NCKAP5: variants seen among roughly 807,000 people sequenced by gnomAD.
NCKAP5 encodes NCK associated protein 5, also known as nck-associated protein 5.
Under a neutral mutation model 167.0 loss-of-function variants are expected in NCKAP5, and 92 were observed. That is an observed-to-expected ratio of 0.55 (90% CI 0.47 to 0.66). The LOEUF (loss-of-function observed/expected upper bound fraction) is 0.66, where lower values mean the gene tolerates loss of function less well. Among genes scored for constraint, NCKAP5 ranks in the 30% least tolerant of loss-of-function variants. The pLI is 0.00. For synonymous variants in NCKAP5, 891 were observed against 877.4 expected (o/e 1.02, Z -0.27); for missense variants, 2,378 against 2,315.0 (o/e 1.03, Z -0.56).
rs113572156 is a variant in NCKAP5 at position 133,369,331 on chromosome 2, A to G, written c.70-66221T>C. Among the ~76,000 whole-genome samples the G allele has an allele frequency of 5.1e-3, 782 of 152,360 alleles. 6 individuals are homozygous for G. The highest frequency in any genetic ancestry group is 0.017 in the Middle Eastern group (5 of 294). ...AATTCACAAGGAATCAGGATCAGACATGGAAGCAGAAGGCTGAGTCACAAA... is the reference window on the plus strand; with the variant it reads ...AATTCACAAGGAATCAGGATCAGACGTGGAAGCAGAAGGCTGAGTCACAAA... On this transcript the variant is annotated intron_variant, in intron 3 of 19. Transcript: ENST00000409261.
the NCKAP5 span, among the ~76,000 whole-genome samples, chr2:133,637,167 G>A: frequency 6.6e-6 from 1 of 151,090 alleles, no homozygotes; most frequent in Admixed American, 6.6e-5. Context: ...CTACTTTCCC[G>A]CACTTCTCCT....
chr2:133,073,847 A>G (rs2080505785), intron 6 of NCKAP5, among the ~76,000 whole-genome samples: 1 of 152,164 alleles, frequency 6.6e-6, no homozygotes, highest in Non-Finnish European at 1.5e-5. Flanking sequence ...TTGCTCCAAA[A>G]ATGTAATTCA....
At chr2:133,606,115 C>G in the NCKAP5 span, among the ~76,000 whole-genome samples, 1 of 148,864 alleles carries the variant, frequency 6.7e-6, no homozygotes, top group Non-Finnish European at 1.5e-5. Flanking sequence ...CAAAACTAAC[C>G]AGAATCAGAT....
chr2:133,637,553 G>A, the NCKAP5 span, among the ~76,000 whole-genome samples: 1 of 127,712 alleles, frequency 7.8e-6, no homozygotes, highest in Non-Finnish European at 1.6e-5. Flanking sequence ...TGGACTAATG[G>A]AAATTAAAAT....
At chr2:132,878,286 C>G (rs952046352) in intron 9 of NCKAP5, among the ~76,000 whole-genome samples, 2 of 152,164 alleles carry the variant, frequency 1.3e-5, no homozygotes, top group Non-Finnish European at 2.9e-5. Flanking sequence ...TGCGTATAGC[C>G]CTGTCTTCTT....
At chr2:133,481,601 T>G (rs1432691314) in intron 3 of NCKAP5, among the ~76,000 whole-genome samples, 1 of 152,168 alleles carries the variant, frequency 6.6e-6, no homozygotes, top group Non-Finnish European at 1.5e-5. Context: ...CACCCTCCGA[T>G]AGGCCCCAGT....
chr2:133,511,194 T>C (rs1180693916), intron 3 of NCKAP5, among the ~76,000 whole-genome samples: 1 of 152,202 alleles, frequency 6.6e-6, no homozygotes, highest in Non-Finnish European at 1.5e-5. Context: ...CCAGCACCAG[T>C]GTTGCTGCAG....
intron 2 of NCKAP5, among the ~76,000 whole-genome samples, chr2:133,530,761 G>A (rs1184790140): frequency 6.6e-6 from 1 of 152,156 alleles, no homozygotes; most frequent in African/African-American, 2.4e-5. Flanking sequence ...GGCTTTAAGA[G>A]GTCTTGAAGC....
At chr2:133,600,620 G>A in the NCKAP5 span, among the ~76,000 whole-genome samples, 1 of 152,200 alleles carries the variant, frequency 6.6e-6, no homozygotes, top group South Asian at 2.1e-4. Context: ...AGATATCGCT[G>A]GCACCCTTCT....
chr2:133,140,370 C>T (rs1258380353), intron 5 of NCKAP5, among the ~76,000 whole-genome samples: 1 of 152,270 alleles, frequency 6.6e-6, no homozygotes, highest in Admixed American at 6.5e-5. Flanking sequence ...CATTTTACCC[C>T]CAACTCTGTT....
intron 6 of NCKAP5, among the ~76,000 whole-genome samples, chr2:133,087,857 A>T (rs1359438824): frequency 6.6e-6 from 1 of 152,168 alleles, no homozygotes; most frequent in Non-Finnish European, 1.5e-5. Flanking sequence ...ATATTTACTG[A>T]GCAATTACTC....
At chr2:132,876,887 G>T (rs572292700) in intron 9 of NCKAP5, among the ~76,000 whole-genome samples, 1 of 152,332 alleles carries the variant, frequency 6.6e-6, no homozygotes, top group South Asian at 2.1e-4. Context: ...TACAGACTAT[G>T]AGTTTCCATA....
At chr2:133,398,058 C>T (rs974085377) in intron 3 of NCKAP5, among the ~76,000 whole-genome samples, 1 of 152,060 alleles carries the variant, frequency 6.6e-6, no homozygotes, top group Non-Finnish European at 1.5e-5. Context: ...GCCAGCATTG[C>T]ACGCTACTCA....
intron 3 of NCKAP5, among the ~76,000 whole-genome samples, chr2:133,305,239 G>A (rs1680695031): frequency 6.6e-6 from 1 of 152,172 alleles, no homozygotes; most frequent in African/African-American, 2.4e-5. Flanking sequence ...AAGCTGAAAG[G>A]TGTAGTGATG....
intron 2 of NCKAP5, among the ~76,000 whole-genome samples, chr2:133,550,710 C>T (rs1239460065): frequency 4.7e-5 from 6 of 127,712 alleles, no homozygotes; most frequent in South Asian, 6.2e-4. Context: ...CCCTCTCTCA[C>T]CACTCCTATT....
chr2:133,426,310 T>C (rs1689796845), intron 3 of NCKAP5, among the ~76,000 whole-genome samples: 1 of 151,430 alleles, frequency 6.6e-6, no homozygotes, highest in South Asian at 2.1e-4. Flanking sequence ...AATACAACAA[T>C]GGAGAACACC....
chr2:133,092,472 C>T (rs180875047), intron 6 of NCKAP5, among the ~76,000 whole-genome samples: 1 of 152,300 alleles, frequency 6.6e-6, no homozygotes, highest in East Asian at 1.9e-4. Flanking sequence ...CCTCCAAAAC[C>T]ATGCATAAAT....
intron 8 of NCKAP5, among the ~76,000 whole-genome samples, chr2:132,916,960 A>G (rs1329925154): frequency 6.6e-6 from 1 of 152,210 alleles, no homozygotes; most frequent in Non-Finnish European, 1.5e-5. Flanking sequence ...AATTGATGGA[A>G]GTGCCAGAGT....
chr2:133,120,377 G>T (rs1053909429), intron 6 of NCKAP5, among the ~76,000 whole-genome samples: 2 of 152,102 alleles, frequency 1.3e-5, no homozygotes, highest in Admixed American at 6.5e-5. Flanking sequence ...CCCAAAGAAT[G>T]GTTCCAACTG....
Sources: gnomAD v4.1 joint callset for allele counts (sites outside exome capture counted in the v4.1 genomes callset) on GRCh38, gnomAD v4.1.1 for gene constraint, MANE v1.5 for transcripts, NCBI Gene and HGNC (gene_info 2026-07-23, HGNC 2026-07-21) for gene names.